The following YTHDF2 variants were observed in gnomAD, a reference collection of about 807,000 sequenced individuals.
YTHDF2 encodes the protein YTH domain-containing family protein 2.
In YTHDF2, 2 loss-of-function variants were observed where a neutral mutation model predicts 50.4. The observed-to-expected ratio is 0.04, with a 90% confidence interval of 0.02 to 0.12. YTHDF2 has a LOEUF of 0.12. YTHDF2 is among the 10% of genes least tolerant of loss of function. The pLI, the probability that YTHDF2 is intolerant of heterozygous loss-of-function variation, is 1.00. For missense variants in YTHDF2, 483 were observed against 722.6 expected, an observed-to-expected ratio of 0.67 and a Z score of 3.80; for synonymous variants, 217 against 255.6, an observed-to-expected ratio of 0.85 and a Z score of 1.44.
At chr1:28,740,802 C>A (rs185732644) in intron 3 of YTHDF2, among the ~76,000 whole-genome samples, 21 of 151,264 alleles carry the variant, frequency 1.4e-4, no homozygotes, top group African/African-American at 4.9e-4. Context: ...CTCCTGGGTT[C>A]ACACCATTCT....
chr1:28,741,208 G>T (rs1034299010), intron 3 of YTHDF2, among the ~76,000 whole-genome samples: 1 of 151,466 alleles, frequency 6.6e-6, no homozygotes, highest in African/African-American at 2.4e-5. Context: ...ATGTTGGCCG[G>T]GCTGGTCTCC....
intron 4 of YTHDF2, among the ~76,000 whole-genome samples, chr1:28,756,776 C>T (rs1436154409): frequency 6.6e-6 from 1 of 151,026 alleles, no homozygotes; most frequent in East Asian, 1.9e-4. Context: ...GGAAGGCTTA[C>T]AGCATTGGCT....
chr1:28,754,280 C>T (rs2124190437), intron 4 of YTHDF2, among the ~76,000 whole-genome samples: 1 of 152,338 alleles, frequency 6.6e-6, no homozygotes, highest in African/African-American at 2.4e-5. Flanking sequence ...CTAATTCCAG[C>T]ACTTTGGGAG....
At position 28,742,500 on chromosome 1, in the gene YTHDF2, C is replaced by T. The variant is rs377196196; in HGVS notation, c.230C>T (p.Thr77Met). Residue 77 changes from threonine to methionine, a missense_variant, in exon 4 of 5, where the codon ACG becomes ATG. Coordinates refer to ENST00000373812, the MANE Select transcript of YTHDF2 (RefSeq NM_016258.3). ...TCTTTGGGTGAAGCTGCTTGGTCTA[C>T]GGGGGGTGACACAGCCATGCCCTAC... ...SYSLGEAAWS[T>M]GGDTAMPYLT... The T allele has an allele frequency of 6.2e-7, 1 of 1,613,854 alleles. No individual in the cohort carries two copies. Among genetic ancestry groups the T allele is most frequent in the Non-Finnish European group, 8.5e-7 (1 of 1,179,968 alleles).
At chr1:28,757,130 C>T (rs1192174297) in intron 4 of YTHDF2, among the ~76,000 whole-genome samples, 1 of 152,114 alleles carries the variant, frequency 6.6e-6, no homozygotes, top group East Asian at 1.9e-4. Context: ...ACAAATAGTC[C>T]CTCGTTGAAC....
chr1:28,744,143 T>G (rs1367980964), intron 4 of YTHDF2, among the ~76,000 whole-genome samples, 157 bp downstream of exon 4: 2 of 152,182 alleles, frequency 1.3e-5, no homozygotes, highest in African/African-American at 4.8e-5. Context: ...TTTTAATACT[T>G]GAACCCTAAT....
chr1:28,757,593 GT>G (rs11309753), intron 4 of YTHDF2, among the ~76,000 whole-genome samples: 94,386 of 151,618 alleles, frequency 0.62, 30,787 homozygotes, highest in African/African-American at 0.8. Context: ...CTTCATGTGA[GT>G]TTTTTTTGAG....
At chr1:28,745,398 T>TA (rs1330654545) in intron 4 of YTHDF2, among the ~76,000 whole-genome samples, 1 of 152,198 alleles carries the variant, frequency 6.6e-6, no homozygotes, top group African/African-American at 2.4e-5. Context: ...GATAGTCCTT[T>TA]AAACTCCTCT....
chr1:28,738,353 A>G lies in YTHDF2; in HGVS notation c.132+15A>G, dbSNP rs745413514. The G allele has an allele frequency of 6.3e-7, 1 of 1,597,376 alleles. No individual in the cohort carries two copies. The highest frequency in any genetic ancestry group is 1.1e-5 in the South Asian group (1 of 90,762). ...AGGCAAGGCCCGTGAGTAGTTAACT[A>G]TTTACATATCTAATCGAAGGGTGTG... On this transcript the variant is annotated intron_variant, in intron 3 of 4. Transcript: ENST00000373812.
At chr1:28,767,770 A>G (rs1294669326) in intron 4 of YTHDF2, among the ~76,000 whole-genome samples, 1 of 144,556 alleles carries the variant, frequency 6.9e-6, no homozygotes, top group Non-Finnish European at 1.5e-5. Flanking sequence ...GGCCTCCCAA[A>G]GTGCTGGGAC....
intron 4 of YTHDF2, among the ~76,000 whole-genome samples, chr1:28,764,030 A>G (rs1311046659): frequency 6.8e-6 from 1 of 146,894 alleles, no homozygotes; most frequent in Non-Finnish European, 1.5e-5. Flanking sequence ...GCTCACTGCA[A>G]CCTCCATCTC....
intron 4 of YTHDF2, among the ~76,000 whole-genome samples, chr1:28,757,049 C>T (rs2088045372): frequency 6.6e-6 from 1 of 152,214 alleles, no homozygotes; most frequent in Admixed American, 6.5e-5. Flanking sequence ...GCTGCCACCT[C>T]CTGGACCAAA....
intron 4 of YTHDF2, among the ~76,000 whole-genome samples, chr1:28,749,156 CAGTTA>C (rs1220905627): frequency 2.7e-5 from 4 of 147,432 alleles, no homozygotes; most frequent in African/African-American, 1.0e-4. Flanking sequence ...AAGAAGGCAA[CAGTTA>C]AGAGCCTTTC....
intron 4 of YTHDF2, among the ~76,000 whole-genome samples, chr1:28,747,928 A>G (rs1343696899): frequency 6.6e-6 from 1 of 151,238 alleles, no homozygotes; most frequent in East Asian, 2.0e-4. Flanking sequence ...GATCAAGACC[A>G]TCCTGGCTAA....
At chr1:28,747,704 C>T (rs999031236) in intron 4 of YTHDF2, among the ~76,000 whole-genome samples, 3 of 148,432 alleles carry the variant, frequency 2.0e-5, no homozygotes, top group Non-Finnish European at 3.0e-5. Context: ...AGGCGTGAGC[C>T]ACCACGCCCA....
chr1:28,739,900 AG>A (rs2087750838), intron 3 of YTHDF2, among the ~76,000 whole-genome samples: 1 of 152,246 alleles, frequency 6.6e-6, no homozygotes, highest in Non-Finnish European at 1.5e-5. Context: ...CCAGATTAAT[AG>A]GCCAAAAGGA....
In YTHDF2 at chr1:28,769,589, A is replaced by C. The variant is rs1042629414; in HGVS notation, c.*637A>C. On this transcript the variant is annotated 3_prime_UTR_variant, in exon 5 of 5. Coordinates refer to ENST00000373812, the MANE Select transcript of YTHDF2 (RefSeq NM_016258.3). ...CATTATACTGATTAAGTCAGGATTAATTTGATTTCAAAGCTGAGAACAGTG... is the reference window on the plus strand; with the variant it reads ...CATTATACTGATTAAGTCAGGATTACTTTGATTTCAAAGCTGAGAACAGTG... 6.6e-6 allele frequency: 1 copy of C among 152,666 alleles called. No homozygotes were observed. The highest frequency in any genetic ancestry group is 2.4e-5 in the African/African-American group (1 of 41,454). The allele number at this position is 152,666 out of a possible 1,614,324, so 9.5% of individuals were successfully genotyped here.
At chr1:28,749,847 A>T (rs2087922561) in intron 4 of YTHDF2, among the ~76,000 whole-genome samples, 1 of 152,124 alleles carries the variant, frequency 6.6e-6, no homozygotes. Context: ...GTTGAGTTAC[A>T]GAGGAAGTGT....
At chr1:28,742,087 GC>G (rs2087785254) in intron 3 of YTHDF2, among the ~76,000 whole-genome samples, 1 of 136,608 alleles carries the variant, frequency 7.3e-6, no homozygotes, top group African/African-American at 2.8e-5. Context: ...CACTCTTGTT[GC>G]CCACAGGCTG....
Sources: allele counts gnomAD v4.1 joint callset (sites outside exome capture counted in the v4.1 genomes callset), GRCh38; gene constraint gnomAD v4.1.1; transcripts MANE v1.5; gene names NCBI Gene and HGNC (gene_info 2026-07-23, HGNC 2026-07-21).